Variants in MYO1F observed in about 807,000 individuals in gnomAD.
MYO1F encodes the protein myosin IF.
Under a neutral mutation model 146.6 loss-of-function variants are expected in MYO1F, and 60 were observed. That is an observed-to-expected ratio of 0.41 (90% CI 0.33 to 0.51). The LOEUF (loss-of-function observed/expected upper bound fraction) is 0.51, where lower values mean the gene tolerates loss of function less well. Among genes scored for constraint, MYO1F ranks in the 20% least tolerant of loss-of-function variants. MYO1F has a pLI of 0.25. For missense variants in MYO1F, 1,274 were observed against 1,534.3 expected, an observed-to-expected ratio of 0.83 and a Z score of 2.83; for synonymous variants, 602 against 602.1, an observed-to-expected ratio of 1.00 and a Z score of 0.00.
At position 8,554,533 on chromosome 19, in the gene MYO1F, C is replaced by A. The variant is rs200635354; in HGVS notation, c.270G>T (p.Thr90=). Residue 90 remains threonine, a synonymous_variant, in exon 4 of 28, where the codon ACG becomes ACT. Coordinates refer to ENST00000644032, the MANE Select transcript of MYO1F (RefSeq NM_012335.4). ...TAAGCATGTTCCGGTACATGTTGTC[C>A]GTGAGGGCGTAGATGTGCGGGGGAT... is the stretch of plus-strand genomic sequence containing the variant. ...YENPPHIYAL[T]DNMYRNMLID... The A allele has an allele frequency of 6.2e-7, 1 of 1,613,622 alleles. No homozygotes were observed. The highest frequency in any genetic ancestry group is 1.7e-5 in the Admixed American group (1 of 59,968).
At chr19:8,570,531 T>A (rs186468116) in intron 1 of MYO1F, among the ~76,000 whole-genome samples, 31 of 151,960 alleles carry the variant, frequency 2.0e-4, no homozygotes, top group Non-Finnish European at 3.7e-4. Context: ...CACACCTGGC[T>A]AATTTTTGTG....
rs782691183 is a variant in MYO1F at position 8,577,343 on chromosome 19, C to T, written c.-34G>A. On this transcript the variant is annotated 5_prime_UTR_variant, in exon 1 of 28. Coordinates refer to ENST00000644032, the MANE Select transcript of MYO1F (RefSeq NM_012335.4). The surrounding 1 kb of genome is among the most constrained non-coding windows in gnomAD (Gnocchi z 4.3). ...GCTGGTGTCTGGGCTCCTGGAGGCTCCTGAATGGGTCGTGATGGAGGTGCA... is the reference window on the plus strand; with the variant it reads ...GCTGGTGTCTGGGCTCCTGGAGGCTTCTGAATGGGTCGTGATGGAGGTGCA... The T allele has an allele frequency of 3.3e-5, 53 of 1,613,744 alleles. No homozygotes were observed. Among genetic ancestry groups the T allele is most frequent in the Non-Finnish European group, 3.9e-5 (46 of 1,179,910 alleles).
At chr19:8,552,216 G>C in intron 6 of MYO1F, 52 bp from the exon 7 acceptor site, 4 of 1,606,874 alleles carry the variant, frequency 2.5e-6, no homozygotes, top group Non-Finnish European at 3.4e-6. Context: ...GTGCAGGTGG[G>C]GGAAGGGTTG....
At position 8,577,100 on chromosome 19, in the gene MYO1F, G is replaced by T; in HGVS notation, c.3+207C>A. 1 of 658,360 alleles carries T rather than the reference G, an allele frequency of 1.5e-6. No homozygotes were observed. Among genetic ancestry groups the T allele is most frequent in the Non-Finnish European group, 2.7e-6 (1 of 367,088 alleles). 40.8% of individuals were successfully genotyped at this position (658,360 alleles called of 1,614,324 possible). A position where few individuals can be genotyped will look rare whatever the true frequency, so the allele number is the denominator to read the frequency against. On this transcript the variant is annotated intron_variant, in intron 1 of 27. Coordinates refer to ENST00000644032, the MANE Select transcript of MYO1F (RefSeq NM_012335.4). The surrounding 1 kb of genome is among the most constrained non-coding windows in gnomAD (Gnocchi z 4.3). ...TCCTTGGATCCAGGGATACCACCCTGGCATCCCCACCACCTACAGATGGGA... is the reference window on the plus strand; with the variant it reads ...TCCTTGGATCCAGGGATACCACCCTTGCATCCCCACCACCTACAGATGGGA...
rs200194968 is a variant in MYO1F at position 8,544,402 on chromosome 19, C to T, written c.1419G>A (p.Gly473=). Residue 473 remains glycine, a synonymous_variant, in exon 14 of 28, where the codon GGG becomes GGA. Coordinates refer to ENST00000644032, the MANE Select transcript of MYO1F (RefSeq NM_012335.4). Reference sequence around the variant, plus strand: ...TCTGCAGCAGTGTCTGGTCTGCTCCCCCGCCCGTGGCGTGCATGGTGGCGC... The same window carrying T: ...TCTGCAGCAGTGTCTGGTCTGCTCCTCCGCCCGTGGCGTGCATGGTGGCGC... The part of the protein sequence containing the change: ...DVCATMHATG[G]GADQTLLQKL... 681 of 1,612,974 alleles carry T rather than the reference C, an allele frequency of 4.2e-4. 1 individual carries two copies. The African/African-American group carries it at 7.6e-3, about 18-fold the overall frequency.
intron 1 of MYO1F, among the ~76,000 whole-genome samples, chr19:8,558,116 T>G (rs1462179974): frequency 2.6e-5 from 4 of 152,072 alleles, no homozygotes; most frequent in Non-Finnish European, 4.4e-5. Flanking sequence ...AGCACCTTCT[T>G]AGGTTGCCAT....
chr19:8,556,474 T>C (rs1323836315), intron 1 of MYO1F, among the ~76,000 whole-genome samples: 4 of 135,142 alleles, frequency 3.0e-5, no homozygotes, highest in Non-Finnish European at 4.5e-5. Flanking sequence ...AGGCCCCGTC[T>C]CTATAAAAAA....
At chr19:8,527,005 G>C in intron 22 of MYO1F, 70 bp from the exon 23 acceptor site, 1 of 1,584,110 alleles carries the variant, frequency 6.3e-7, no homozygotes, top group Non-Finnish European at 8.6e-7. Context: ...GACAGATGAA[G>C]GTGGCTGAAG....
chr19:8,539,844 A>G, intron 16 of MYO1F, 103 bp downstream of exon 16: 2 of 1,018,966 alleles, frequency 2.0e-6, no homozygotes, highest in Non-Finnish European at 3.0e-6. Context: ...CAGGATTGGT[A>G]GACAGACAGA....
chr19:8,548,085 T>C lies in MYO1F; in HGVS notation c.1220A>G (p.Asn407Ser), dbSNP rs778349518. The C allele has an allele frequency of 1.9e-6, 3 of 1,603,696 alleles. No homozygotes were observed. The highest frequency in any genetic ancestry group is 2.6e-6 in the Non-Finnish European group (3 of 1,173,968). ...GFEQFCINFV[N>S]EKLQQIFIEL... ...GATAAAGATTTGCTGCAGCTTCTCA[T>C]TGACGAAGTTGATGCAAAACTGCTC... The change falls in exon 12 of 28, where the codon AAT becomes AGT. Residue 407 changes from asparagine to serine, a missense_variant. Physicochemically the swap from Asn to Ser is conservative, Grantham distance 46 (BLOSUM62 1). Around this residue, in one of 2 missense-constraint regions of MYO1F, gnomAD observed 900 missense variants for 1,155.1 expected, o/e 0.78. Coordinates refer to ENST00000644032, the MANE Select transcript of MYO1F (RefSeq NM_012335.4).
chr19:8,545,426 G>A lies in MYO1F; in HGVS notation c.1356+224C>T. 7 of 562,830 alleles carry A rather than the reference G, an allele frequency of 1.2e-5. No individual in the cohort carries two copies. The South Asian group carries it at 1.3e-4, about 10-fold the overall frequency. 34.9% of individuals were successfully genotyped at this position (562,830 alleles called of 1,614,324 possible). On this transcript the variant is annotated intron_variant, in intron 13 of 27. Coordinates refer to ENST00000644032, the MANE Select transcript of MYO1F (RefSeq NM_012335.4). The stretch of plus-strand genomic sequence containing the variant: ...CTCTAACTGTGAGCTGGGGTTCCCG[G>A]GGAAATGTTTATTGAATGATTAAGT...
intron 1 of MYO1F, among the ~76,000 whole-genome samples, chr19:8,559,117 C>T (rs970137739): frequency 4.0e-5 from 6 of 151,742 alleles, no homozygotes; most frequent in African/African-American, 4.8e-5. Flanking sequence ...TGAGTTCAAG[C>T]GACCTTCCTG....
At chr19:8,565,091 A>C (rs1421881528) in intron 1 of MYO1F, among the ~76,000 whole-genome samples, 1 of 151,666 alleles carries the variant, frequency 6.6e-6, no homozygotes, top group Non-Finnish European at 1.5e-5. Context: ...GGATTTCACC[A>C]TGTTGGCCAG....
At position 8,539,942 on chromosome 19, in the gene MYO1F, C is replaced by G. The variant is rs1972887487; in HGVS notation, c.1692+5G>C. On this transcript the variant is annotated splice_donor_5th_base_variant and intron_variant, in intron 16 of 27. Coordinates refer to ENST00000644032, the MANE Select transcript of MYO1F (RefSeq NM_012335.4). Reference sequence around the variant, plus strand: ...CCAGCTCCCCGTTGTACACCCCAGGCCCACCTTGATCTTGGAGCCGGCGGT... The same window carrying G: ...CCAGCTCCCCGTTGTACACCCCAGGGCCACCTTGATCTTGGAGCCGGCGGT... The G allele has an allele frequency of 6.2e-7, 1 of 1,612,326 alleles. No individual in the cohort carries two copies. The highest frequency in any genetic ancestry group is 1.1e-5 in the South Asian group (1 of 90,938).
intron 1 of MYO1F, among the ~76,000 whole-genome samples, chr19:8,575,078 CTTT>C (rs576218913): frequency 7.4e-5 from 10 of 135,538 alleles, no homozygotes; most frequent in Middle Eastern, 3.9e-3. Context: ...TTTTCTTTTT[CTTT>C]TTTTTTTTTT....
At chr19:8,564,936 C>A (rs1258785839) in intron 1 of MYO1F, among the ~76,000 whole-genome samples, 2 of 151,968 alleles carry the variant, frequency 1.3e-5, no homozygotes, top group Non-Finnish European at 2.9e-5. Context: ...CCAAGCCAGG[C>A]TGATTTTTGT....
At chr19:8,556,293 G>T (rs1404154773) in intron 1 of MYO1F, among the ~76,000 whole-genome samples, 3 of 150,616 alleles carry the variant, frequency 2.0e-5, no homozygotes, top group Non-Finnish European at 4.4e-5. Flanking sequence ...GGCTCCCAAA[G>T]TGCTGGGATT....
intron 16 of MYO1F, among the ~76,000 whole-genome samples, chr19:8,538,344 G>A (rs1463013252): frequency 6.6e-6 from 1 of 151,558 alleles, no homozygotes; most frequent in Non-Finnish European, 1.5e-5. Flanking sequence ...ATCCAGGCTG[G>A]AGTGCAGTGG....
chr19:8,529,403 G>C (rs1298661117), intron 21 of MYO1F, among the ~76,000 whole-genome samples: 1 of 152,074 alleles, frequency 6.6e-6, no homozygotes, highest in African/African-American at 2.4e-5. Context: ...TAGAGTACAC[G>C]TAGGTTCAGG....
Sources: gnomAD v4.1 joint callset for allele counts (sites outside exome capture counted in the v4.1 genomes callset) on GRCh38, gnomAD v4.1.1 for gene constraint, gnomAD v4.1.1 regional missense constraint, Gnocchi (gnomAD v3.1) non-coding constraint, MANE v1.5 for transcripts, NCBI Gene and HGNC (gene_info 2026-07-23, HGNC 2026-07-21) for gene names.